RBFOX1: variants seen among roughly 807,000 people sequenced by gnomAD.
RBFOX1 encodes RNA binding fox-1 homolog 1, also known as RNA binding protein fox-1 homolog 1.
In RBFOX1, 8 loss-of-function variants were observed where a neutral mutation model predicts 57.7. That is an observed-to-expected ratio of 0.14 (90% CI 0.08 to 0.25). RBFOX1 has a LOEUF of 0.25. RBFOX1 is among the 10% of genes least tolerant of loss of function. The probability of loss-of-function intolerance (pLI) is 1.00; values close to 1 mark genes in which losing one functional copy is unlikely to be tolerated. For missense variants in RBFOX1, 611 were observed against 548.5 expected (o/e 1.11, Z -1.14); for synonymous variants, 326 against 222.4 (o/e 1.47, Z -4.15).
chr16:6,161,566 A>T (rs2096879515), intron 1 of RBFOX1, among the ~76,000 whole-genome samples: 1 of 152,134 alleles, frequency 6.6e-6, no homozygotes, highest in African/African-American at 2.4e-5. Context: ...ACACTCAGGA[A>T]ATATGTCTGG....
At chr16:7,328,819 G>A (rs1397060110) in intron 4 of RBFOX1, 1 of 152,138 alleles carries the variant, frequency 6.6e-6, no homozygotes, top group Non-Finnish European at 1.5e-5. Context: ...ATTTGCCATT[G>A]TCTTGAAGTC....
At chr16:7,416,142 T>G (rs2149238312) in intron 4 of RBFOX1, among the ~76,000 whole-genome samples, 1 of 152,320 alleles carries the variant, frequency 6.6e-6, no homozygotes, top group South Asian at 2.1e-4. Context: ...AGCTGTAATA[T>G]TTGCCCAATG....
intron 2 of RBFOX1, among the ~76,000 whole-genome samples, chr16:6,535,994 T>C (rs1377923506): frequency 1.3e-5 from 2 of 152,214 alleles, no homozygotes; most frequent in Non-Finnish European, 2.9e-5. Context: ...CATATATATC[T>C]ATCTCTAGGC....
At chr16:6,868,042 T>G (rs75415676) in intron 3 of RBFOX1, among the ~76,000 whole-genome samples, 1 of 152,204 alleles carries the variant, frequency 6.6e-6, no homozygotes, top group East Asian at 1.9e-4. Flanking sequence ...TTGCGAAATA[T>G]AGGTATTATA....
intron 1 of RBFOX1, among the ~76,000 whole-genome samples, chr16:6,312,493 G>T (rs12149730): frequency 6.6e-6 from 1 of 152,010 alleles, no homozygotes; most frequent in Non-Finnish European, 1.5e-5. Flanking sequence ...GTGAGGTTTC[G>T]TCTGTTCTGA....
intron 1 of RBFOX1, among the ~76,000 whole-genome samples, chr16:6,057,540 C>G (rs1489355353): frequency 6.6e-6 from 1 of 151,868 alleles, no homozygotes; most frequent in Non-Finnish European, 1.5e-5. Flanking sequence ...CAGGCTTGGT[C>G]TCTGCCAACA....
At chr16:7,562,746 G>A (rs192843862) in intron 5 of RBFOX1, among the ~76,000 whole-genome samples, 71 of 152,342 alleles carry the variant, frequency 4.7e-4, no homozygotes, top group Non-Finnish European at 6.8e-4. Context: ...GGAAGGAGGA[G>A]GAAGGTCCCA....
chr16:7,166,377 G>A (rs2079513464), intron 4 of RBFOX1, among the ~76,000 whole-genome samples: 1 of 152,130 alleles, frequency 6.6e-6, no homozygotes, highest in Admixed American at 6.5e-5. Context: ...GCTTACAGGT[G>A]AGGTTCTGAG....
intron 1 of RBFOX1, among the ~76,000 whole-genome samples, chr16:5,253,761 C>T (rs1486758243): frequency 6.6e-6 from 1 of 152,226 alleles, no homozygotes; most frequent in African/African-American, 2.4e-5. Flanking sequence ...CTCTCTCTGG[C>T]CTCTTTCAGG....
At chr16:6,825,622 C>T (rs1042232622) in intron 3 of RBFOX1, among the ~76,000 whole-genome samples, 2 of 152,112 alleles carry the variant, frequency 1.3e-5, no homozygotes, top group African/African-American at 4.8e-5. Context: ...CATCCTCTCC[C>T]TGGGAGTGGG....
intron 4 of RBFOX1, among the ~76,000 whole-genome samples, chr16:7,463,597 C>T (rs971046946): frequency 2.0e-5 from 3 of 152,202 alleles, no homozygotes; most frequent in Non-Finnish European, 4.4e-5. Context: ...ATACCATCAC[C>T]TTGGTGTTAA....
intron 4 of RBFOX1, among the ~76,000 whole-genome samples, chr16:7,365,828 G>A (rs550126882): frequency 1.4e-4 from 22 of 152,302 alleles, no homozygotes; most frequent in Admixed American, 7.8e-4. Context: ...TATCTCTTAC[G>A]TGACTACATC....
intron 1 of RBFOX1, among the ~76,000 whole-genome samples, chr16:6,082,513 T>G (rs1597123700): frequency 6.6e-6 from 1 of 151,898 alleles, no homozygotes; most frequent in East Asian, 1.9e-4. Context: ...TTTTTAATCC[T>G]CAGTAGGACA....
intron 3 of RBFOX1, among the ~76,000 whole-genome samples, chr16:6,829,333 C>G (rs1455599407): frequency 6.7e-6 from 1 of 150,360 alleles, no homozygotes; most frequent in Non-Finnish European, 1.5e-5. Flanking sequence ...TATAAGGAGG[C>G]AAGAATATGT....
chr16:7,025,003 A>C (rs1355159357), intron 3 of RBFOX1, among the ~76,000 whole-genome samples: 1 of 152,148 alleles, frequency 6.6e-6, no homozygotes, highest in Middle Eastern at 3.2e-3. Flanking sequence ...GTTACAGGCA[A>C]GGGGCTGGAT....
intron 4 of RBFOX1, among the ~76,000 whole-genome samples, chr16:7,159,969 G>C (rs8055897): frequency 6.6e-6 from 1 of 151,982 alleles, no homozygotes; most frequent in Non-Finnish European, 1.5e-5. Flanking sequence ...CCTTCCTTGA[G>C]GGGGGAGTTG....
At chr16:6,443,681 A>G (rs2094431298) in intron 2 of RBFOX1, among the ~76,000 whole-genome samples, 1 of 152,222 alleles carries the variant, frequency 6.6e-6, no homozygotes, top group Non-Finnish European at 1.5e-5. Flanking sequence ...AACTGAAATG[A>G]TAGAGAAAAA....
chr16:7,431,574 G>C (rs958796024), intron 4 of RBFOX1, among the ~76,000 whole-genome samples: 2 of 152,134 alleles, frequency 1.3e-5, no homozygotes, highest in South Asian at 4.1e-4. Context: ...TTTAAAAAAT[G>C]CTGGTAAAAT....
intron 1 of RBFOX1, among the ~76,000 whole-genome samples, chr16:5,347,571 C>G (rs1419119851): frequency 6.6e-6 from 1 of 152,066 alleles, no homozygotes; most frequent in African/African-American, 2.4e-5. Context: ...CATCCTTCCA[C>G]TCGTCTGTCC....
Sources: allele counts gnomAD v4.1 joint callset (sites outside exome capture counted in the v4.1 genomes callset), GRCh38; gene constraint gnomAD v4.1.1; transcripts MANE v1.5; gene names NCBI Gene and HGNC (gene_info 2026-07-23, HGNC 2026-07-21).